The following PSMB5 variants were observed in gnomAD, a reference collection of about 807,000 sequenced individuals.
The protein encoded by PSMB5 is proteasome subunit beta type-5.
PSMB5 carries 2 observed loss-of-function variants against 22.8 expected under a neutral mutation model. That is an observed-to-expected ratio of 0.09 (90% CI 0.04 to 0.28). The LOEUF is 0.28. Among genes scored for constraint, PSMB5 ranks in the 10% least tolerant of loss-of-function variants. The probability of loss-of-function intolerance (pLI) is 1.00; values close to 1 mark genes in which losing one functional copy is unlikely to be tolerated. For missense variants in PSMB5, 269 were observed against 343.8 expected (o/e 0.78, Z 1.72); for synonymous variants, 133 against 135.3 (o/e 0.98, Z 0.12).
chr14:23,027,787 T>A, intron 2 of PSMB5: 1 of 1,548,604 alleles, frequency 6.5e-7, no homozygotes, highest in Non-Finnish European at 8.7e-7. Context: ...ACAAAACAAG[T>A]ACATTCCAAA....
Position 23,026,166 on chromosome 14 carries a change from G to T in PSMB5, c.715C>A (p.Arg239=). 1.2e-6 allele frequency: 2 copies of T among 1,614,092 alleles called. No individual in the cohort carries two copies. Among genetic ancestry groups the T allele is most frequent in the Non-Finnish European group, 1.7e-6 (2 of 1,180,022 alleles). The change falls in exon 3 of 3, where the codon CGG becomes AGG. Residue 239 remains arginine, a synonymous_variant. Transcript: ENST00000361611. ...GAGACTCGGATCCAGCCATCCTCCC[G>T]CACGTGGTAGAGGTTGACTGCACCT... ...SGGAVNLYHV[R]EDGWIRVSSD... is the part of the protein sequence containing the mutation.
At chr14:23,033,795 C>A in intron 1 of PSMB5, 121 bp from the exon 2 acceptor site, 3 of 831,492 alleles carry the variant, frequency 3.6e-6, no homozygotes, top group Non-Finnish European at 5.5e-6. Flanking sequence ...TTATACTTCA[C>A]AGTATACTTC....
chr14:23,027,695 C>T (rs1594711947), intron 2 of PSMB5: 4 of 1,338,992 alleles, frequency 3.0e-6, no homozygotes, highest in Non-Finnish European at 4.1e-6. Context: ...ATTAAGACTC[C>T]AGGATTCTAC....
Position 23,026,899 on chromosome 14 carries a change from A to G in PSMB5, c.506-524T>C, listed in dbSNP as rs866063051. On this transcript the variant is annotated intron_variant, in intron 2 of 2. Transcript: ENST00000361611. ...GGCGTTTGAGACCAGCCTGACCAAC[A>G]TGAAGAAACCCCATCTCTACTAAAA... 9.5e-5 allele frequency among the ~76,000 whole-genome samples: 14 copies of G among 148,044 alleles called. No homozygotes were observed. In the Middle Eastern group the frequency reaches 0.015, roughly 154 times the overall value.
At position 23,026,202 on chromosome 14, in the gene PSMB5, C is replaced by T. The variant is rs2139909661; in HGVS notation, c.679G>A (p.Ala227Thr). ...RAIYQATYRD[A>T]YSGGAVNLYH... ...AGGTTGACTGCACCTCCTGAGTAGG[C>T]ATCTCTGTAGGTGGCTTGGTAGATG... The change falls in exon 3 of 3, where the codon GCC (alanine) becomes ACC (threonine). Residue 227 changes from alanine (A) to threonine (T), a missense_variant. Physicochemically the swap from Ala to Thr is moderately conservative, Grantham distance 58. Transcript: ENST00000361611. 6.2e-7 allele frequency: 1 copy of T among 1,614,118 alleles called. No individual in the cohort carries two copies. Among genetic ancestry groups the T allele is most frequent in the Non-Finnish European group, 8.5e-7 (1 of 1,180,024 alleles).
At chr14:23,034,101 G>C (rs1047840061) in intron 1 of PSMB5, among the ~76,000 whole-genome samples, 4 of 148,654 alleles carry the variant, frequency 2.7e-5, no homozygotes, top group Non-Finnish European at 4.4e-5. Flanking sequence ...ACTCCAGCCT[G>C]AGCGACAGCG....
intron 2 of PSMB5, among the ~76,000 whole-genome samples, chr14:23,027,259 C>T (rs995676892): frequency 2.1e-5 from 3 of 144,682 alleles, no homozygotes; most frequent in Non-Finnish European, 4.5e-5. Context: ...CGGTCGCCTG[C>T]AGTCCCAGCT....
intron 2 of PSMB5, among the ~76,000 whole-genome samples, chr14:23,028,591 T>C (rs554502204): frequency 2.6e-5 from 4 of 152,378 alleles, no homozygotes; most frequent in Admixed American, 2.0e-4. Context: ...ATTGCTGGTA[T>C]AGACCAGGGT....
rs1222211110 is a variant in PSMB5, at chr14:23,034,876, C to G, written c.6G>C (p.Ala2=). The change falls in exon 1 of 3, where the codon GCG becomes GCC. Residue 2 remains alanine (A), a synonymous_variant. Coordinates refer to ENST00000361611, the MANE Select transcript of PSMB5 (RefSeq NM_002797.5). M[A]LASVLERPLP... ...GCGGTCTCTCCAACACGCTGGCAAG[C>G]GCCATGTCTAGTGTGGGCAGAAAGA... 6.2e-6 allele frequency: 10 copies of G among 1,614,014 alleles called. No homozygotes were observed. The highest frequency in any genetic ancestry group is 8.5e-6 in the Non-Finnish European group (10 of 1,179,942).
upstream of PSMB5, chr14:23,035,003 C>T (rs865937131): frequency 2.2e-5 from 32 of 1,436,532 alleles, no homozygotes; most frequent in African/African-American, 3.4e-4. Context: ...ATTTTGACTG[C>T]TGGCAAGCAC....
At position 23,026,368 on chromosome 14, in the gene PSMB5, G is replaced by A. The variant is rs759473572; in HGVS notation, c.513C>T (p.Tyr171=). 29 of 1,613,480 alleles carry A rather than the reference G, an allele frequency of 1.8e-5. No individual in the cohort carries two copies. The highest frequency in any genetic ancestry group is 3.3e-5 in the South Asian group (3 of 91,076). ...TCCGGTTCCCTTCACTGTCCACGTA[G>A]TAGAGGCCTGGAAAGGGAGATGAGG... is the stretch of plus-strand genomic sequence containing the variant. The part of the protein sequence containing the change: ...CGWDKRGPGL[Y]YVDSEGNRIS... Residue 171 remains tyrosine (Y), a synonymous_variant, in exon 3 of 3, where the codon TAC becomes TAT. Transcript: ENST00000361611.
intron 2 of PSMB5, among the ~76,000 whole-genome samples, chr14:23,028,593 G>T (rs1273318189): frequency 6.6e-6 from 1 of 152,156 alleles, no homozygotes; most frequent in Non-Finnish European, 1.5e-5. Flanking sequence ...TGCTGGTATA[G>T]ACCAGGGTTT....
At chr14:23,035,015 C>T (rs1414068064), upstream of PSMB5, 1 of 1,430,096 alleles carries the variant, frequency 7.0e-7, no homozygotes, top group Non-Finnish European at 9.2e-7. Context: ...GGCAAGCACG[C>T]CTCCAAAAAG....
intron 2 of PSMB5, among the ~76,000 whole-genome samples, chr14:23,029,787 AT>A (rs1315280801): frequency 9.1e-4 from 127 of 139,758 alleles, no homozygotes; most frequent in Admixed American, 8.6e-4. Flanking sequence ...CTAATTTTGT[AT>A]TTTTTTTTTT....
At position 23,026,329 on chromosome 14, in the gene PSMB5, G is replaced by C; in HGVS notation, c.552C>G (p.Thr184=). Residue 184 remains threonine (T), a synonymous_variant, in exon 3 of 3, where the codon ACC becomes ACG. Coordinates refer to ENST00000361611, the MANE Select transcript of PSMB5 (RefSeq NM_002797.5). ...DSEGNRISGA[T]FSVGSGSVYA... Reference sequence around the variant, plus strand: ...ACACAGAGCCAGAACCTACAGAGAAGGTGGCCCCTGAAATCCGGTTCCCTT... The same window carrying C: ...ACACAGAGCCAGAACCTACAGAGAACGTGGCCCCTGAAATCCGGTTCCCTT... 1.2e-6 allele frequency: 2 copies of C among 1,614,056 alleles called. No homozygotes were observed. The highest frequency in any genetic ancestry group is 2.2e-5 in the South Asian group (2 of 91,076).
Position 23,034,859 on chromosome 14 carries a change from T to C in PSMB5, c.23A>G (p.Glu8Gly). The stretch of plus-strand genomic sequence containing the variant: ...GCGCTGGTTCACCGGTAGCGGTCTC[T>C]CCAACACGCTGGCAAGCGCCATGTC... MALASVL[E>G]RPLPVNQRGF... The change falls in exon 1 of 3, where the codon GAG (glutamate) becomes GGG (glycine). Residue 8 changes from glutamate (E) to glycine (G), a missense_variant. Physicochemically the swap from Glu to Gly is moderately conservative, Grantham distance 98. Coordinates refer to ENST00000361611, the MANE Select transcript of PSMB5 (RefSeq NM_002797.5). The C allele has an allele frequency of 6.2e-7, 1 of 1,614,146 alleles. No individual in the cohort carries two copies. The highest frequency in any genetic ancestry group is 1.1e-5 in the South Asian group (1 of 91,076).
chr14:23,028,255 C>T (rs1288350206), intron 2 of PSMB5, among the ~76,000 whole-genome samples: 1 of 152,226 alleles, frequency 6.6e-6, no homozygotes, highest in Non-Finnish European at 1.5e-5. Flanking sequence ...TATGCCACTG[C>T]ACTGCAGCCT....
chr14:23,033,899 G>A (rs117780357), intron 1 of PSMB5, among the ~76,000 whole-genome samples: 136 of 152,284 alleles, frequency 8.9e-4, no homozygotes, highest in Non-Finnish European at 1.8e-3. Context: ...GGATGGGCGT[G>A]GTGGCTCACT....
upstream of PSMB5, chr14:23,035,114 G>A: frequency 1.3e-6 from 1 of 745,850 alleles, no homozygotes; most frequent in Non-Finnish European, 2.0e-6. Context: ...GGACGTACCT[G>A]CCATCTTGGC....
Sources: allele counts gnomAD v4.1 joint callset (sites outside exome capture counted in the v4.1 genomes callset), GRCh38; gene constraint gnomAD v4.1.1; transcripts MANE v1.5; gene names NCBI Gene and HGNC (gene_info 2026-07-23, HGNC 2026-07-21).